INPP5A: variants seen among roughly 807,000 people sequenced by gnomAD.
INPP5A encodes inositol polyphosphate-5-phosphatase A, also known as 43 kDa inositol polyphosphate 5-phophatase.
Under a neutral mutation model 65.2 loss-of-function variants are expected in INPP5A, and 14 were observed. The ratio of observed to expected loss-of-function variants is 0.21; its 90% CI spans 0.14 to 0.34. The LOEUF (loss-of-function observed/expected upper bound fraction) is 0.34, where lower values mean the gene tolerates loss of function less well. Ranked by LOEUF, INPP5A falls within the 10% of genes least tolerant of loss-of-function variation. The probability of loss-of-function intolerance (pLI) is 1.00; values close to 1 mark genes in which losing one functional copy is unlikely to be tolerated. For missense variants in INPP5A, 431 were observed against 545.6 expected (o/e 0.79, Z 2.09); for synonymous variants, 207 against 208.3 (o/e 0.99, Z 0.05).
chr10:132,547,466 G>A lies in INPP5A; in HGVS notation c.75+9295G>A, dbSNP rs937463009. Among the ~76,000 whole-genome samples, 2 of 152,166 alleles carry A rather than the reference G, an allele frequency of 1.3e-5. No individual in the cohort carries two copies. The highest frequency in any genetic ancestry group is 4.8e-5 in the African/African-American group (2 of 41,434). On this transcript the variant is annotated intron_variant, in intron 1 of 15. Coordinates refer to ENST00000368594, the MANE Select transcript of INPP5A (RefSeq NM_005539.5). This position sits in a 1 kb window ranked among gnomAD's most constrained non-coding sequence, Gnocchi z 5.5. ...GGCTGCCTAGGTGGTGTGAGGTTCT[G>A]TGAGCCCGGGCCCAGCTGCCGTGGT... is the stretch of plus-strand genomic sequence containing the variant.
intron 12 of INPP5A, among the ~76,000 whole-genome samples, chr10:132,766,140 G>T (rs538382232): frequency 1.3e-4 from 19 of 150,538 alleles, no homozygotes; most frequent in African/African-American, 3.8e-4. Context: ...GTGTGTGCAC[G>T]TGTGCATCTG....
In INPP5A at chr10:132,616,050, G is replaced by A. The variant is rs899817173; in HGVS notation, c.117+8094G>A. On this transcript the variant is annotated intron_variant, in intron 2 of 15. Transcript: ENST00000368594. This position sits in a 1 kb window ranked among gnomAD's most constrained non-coding sequence, Gnocchi z 4.9. ...TAGCTGCCGGTTCCGGGTCCTGTGG[G>A]GAGCGGTGAGGGATGGTCGTGTGCG... Among the ~76,000 whole-genome samples the A allele has an allele frequency of 2.6e-5, 4 of 152,192 alleles. No homozygotes were observed. The highest frequency in any genetic ancestry group is 7.2e-5 in the African/African-American group (3 of 41,456).
At chr10:132,768,835 G>A (rs756502767) in intron 12 of INPP5A, among the ~76,000 whole-genome samples, 1 of 152,224 alleles carries the variant, frequency 6.6e-6, no homozygotes, top group Non-Finnish European at 1.5e-5. Flanking sequence ...ATTGCAAACC[G>A]GCCGAGCAGC....
rs925777071 is a variant in INPP5A, at chr10:132,570,357, C to G, written c.75+32186C>G. ...AGCCCTTCTGTGGATGCCCCGTGGGCACCTTCGTATCCATCAGTTTCATCT... is the reference window on the plus strand; with the variant it reads ...AGCCCTTCTGTGGATGCCCCGTGGGGACCTTCGTATCCATCAGTTTCATCT... On this transcript the variant is annotated intron_variant, in intron 1 of 15. Transcript: ENST00000368594. Among the ~76,000 whole-genome samples the G allele has an allele frequency of 3.9e-5, 6 of 152,368 alleles. No homozygotes were observed. In the Middle Eastern group the frequency reaches 0.01, roughly 259 times the overall value.
intron 9 of INPP5A, among the ~76,000 whole-genome samples, chr10:132,740,245 A>G (rs35417213): frequency 0.17 from 25,204 of 152,152 alleles, 2,554 homozygotes; most frequent in Non-Finnish European, 0.23. Flanking sequence ...CCTAATAGTA[A>G]ACCTGGAACT....
At chr10:132,621,172 A>G (rs1442753526) in intron 2 of INPP5A, among the ~76,000 whole-genome samples, 2 of 152,222 alleles carry the variant, frequency 1.3e-5, no homozygotes, top group East Asian at 3.8e-4. Context: ...TGCCACACTT[A>G]AACTGTGATA....
At chr10:132,735,422 G>A (rs1331043258) in intron 9 of INPP5A, among the ~76,000 whole-genome samples, 1 of 152,282 alleles carries the variant, frequency 6.6e-6, no homozygotes, top group African/African-American at 2.4e-5. Context: ...GCCTGATGGA[G>A]TGTTCTGGGA....
At chr10:132,739,919 C>T (rs916760317) in intron 9 of INPP5A, among the ~76,000 whole-genome samples, 4 of 152,174 alleles carry the variant, frequency 2.6e-5, no homozygotes, top group Admixed American at 6.5e-5. Flanking sequence ...TCGGGGGTGC[C>T]GCCTGTGTCC....
In INPP5A at chr10:132,549,515, G is replaced by A. The variant is rs748169037; in HGVS notation, c.75+11344G>A. On this transcript the variant is annotated intron_variant, in intron 1 of 15. Transcript: ENST00000368594. The surrounding 1 kb of genome is among the most constrained non-coding windows in gnomAD (Gnocchi z 4.9). ...TTGGTAATGGCTTTGACAGCTGGATGACAGACGGTGTTGGCGGGCTGCCCT... is the reference window on the plus strand; with the variant it reads ...TTGGTAATGGCTTTGACAGCTGGATAACAGACGGTGTTGGCGGGCTGCCCT... 1.2e-4 allele frequency among the ~76,000 whole-genome samples: 19 copies of A among 152,266 alleles called. No individual in the cohort carries two copies. Among genetic ancestry groups the A allele is most frequent in the Non-Finnish European group, 2.8e-4 (19 of 68,044 alleles).
At chr10:132,632,301 G>T (rs747186665) in intron 2 of INPP5A, among the ~76,000 whole-genome samples, 28 of 152,216 alleles carry the variant, frequency 1.8e-4, no homozygotes, top group Non-Finnish European at 2.8e-4. Context: ...CTAGAGCTCT[G>T]TGTGTGTCCC....
At chr10:132,700,284 G>A (rs1300274321) in intron 6 of INPP5A, among the ~76,000 whole-genome samples, 3 of 152,242 alleles carry the variant, frequency 2.0e-5, no homozygotes, top group East Asian at 3.8e-4. Context: ...TCTGCGGCCT[G>A]GTGGTCAGCT....
In INPP5A at chr10:132,550,459, G is replaced by A. The variant is rs1193592839; in HGVS notation, c.75+12288G>A. 2.0e-5 allele frequency among the ~76,000 whole-genome samples: 3 copies of A among 152,204 alleles called. No individual in the cohort carries two copies. The highest frequency in any genetic ancestry group is 7.2e-5 in the African/African-American group (3 of 41,444). On this transcript the variant is annotated intron_variant, in intron 1 of 15. Coordinates refer to ENST00000368594, the MANE Select transcript of INPP5A (RefSeq NM_005539.5). The surrounding 1 kb of genome is among the most constrained non-coding windows in gnomAD (Gnocchi z 4.2). ...TGTGACACTGCTGTCACTCCAAGGTGCACCTCACCACACCTGGAGCAGCGC... is the reference window on the plus strand; with the variant it reads ...TGTGACACTGCTGTCACTCCAAGGTACACCTCACCACACCTGGAGCAGCGC...
At chr10:132,646,917 G>A (rs986119441) in intron 3 of INPP5A, among the ~76,000 whole-genome samples, 3 of 152,162 alleles carry the variant, frequency 2.0e-5, no homozygotes, top group Non-Finnish European at 2.9e-5. Flanking sequence ...CAGAGCCGTC[G>A]AGCCCTCCCG....
intron 1 of INPP5A, among the ~76,000 whole-genome samples, chr10:132,540,280 C>T (rs1248317776): frequency 6.6e-6 from 1 of 151,006 alleles, no homozygotes; most frequent in Admixed American, 6.7e-5. Context: ...ACGTATTTAT[C>T]TCTGTTGATA....
chr10:132,724,630 A>C (rs1412126891), intron 8 of INPP5A, among the ~76,000 whole-genome samples: 1 of 151,942 alleles, frequency 6.6e-6, no homozygotes, highest in East Asian at 1.9e-4. Context: ...TTCACCGCAG[A>C]TGGGGGTTAC....
At chr10:132,609,997 C>T (rs2133343712) in intron 2 of INPP5A, among the ~76,000 whole-genome samples, 2 of 152,332 alleles carry the variant, frequency 1.3e-5, no homozygotes, top group South Asian at 4.1e-4. Flanking sequence ...AATTTTGTCC[C>T]AATCAAGCCA....
chr10:132,720,339 TAGAC>T (rs1056355361), intron 8 of INPP5A, among the ~76,000 whole-genome samples: 6 of 146,986 alleles, frequency 4.1e-5, no homozygotes, highest in Non-Finnish European at 8.9e-5. Flanking sequence ...GGAGGCGCCT[TAGAC>T]AGCTGTCTTC....
chr10:132,631,883 C>A (rs1281947778), intron 2 of INPP5A, among the ~76,000 whole-genome samples: 1 of 152,220 alleles, frequency 6.6e-6, no homozygotes, highest in African/African-American at 2.4e-5. Context: ...AAGGTAGGAG[C>A]ACCTGCTTTT....
At chr10:132,571,258 G>T (rs1157377242) in intron 1 of INPP5A, among the ~76,000 whole-genome samples, 1 of 152,274 alleles carries the variant, frequency 6.6e-6, no homozygotes, top group Non-Finnish European at 1.5e-5. Context: ...AAAGCAGCGA[G>T]GCCAGAGGCT....
Sources: allele counts gnomAD v4.1 joint callset (sites outside exome capture counted in the v4.1 genomes callset), GRCh38; gene constraint gnomAD v4.1.1; non-coding constraint Gnocchi (gnomAD v3.1); transcripts MANE v1.5; gene names NCBI Gene and HGNC (gene_info 2026-07-23, HGNC 2026-07-21).